The following CLNK variants were observed in gnomAD, a reference collection of about 807,000 sequenced individuals.
CLNK encodes the protein cytokine-dependent hematopoietic cell linker.
CLNK carries 74 observed loss-of-function variants against 68.6 expected under a neutral mutation model. That is an observed-to-expected ratio of 1.08 (90% CI 0.89 to 1.31). The LOEUF (loss-of-function observed/expected upper bound fraction) is 1.31. Among genes scored for constraint, CLNK ranks in the 50% most tolerant of loss-of-function variants. CLNK has a pLI of 0.00. For synonymous variants in CLNK, 198 were observed against 172.2 expected (o/e 1.15, Z -1.17); for missense variants, 553 against 515.3 (o/e 1.07, Z -0.71).
intron 2 of CLNK, among the ~76,000 whole-genome samples, chr4:10,610,182 G>A (rs1406388318): frequency 6.7e-6 from 1 of 148,778 alleles, no homozygotes; most frequent in Non-Finnish European, 1.5e-5. Flanking sequence ...TCAGCCTCCC[G>A]AGTAGCTGGG....
intron 13 of CLNK, among the ~76,000 whole-genome samples, chr4:10,527,528 A>G (rs541032180): frequency 3.3e-5 from 5 of 152,356 alleles, no homozygotes; most frequent in African/African-American, 9.6e-5. Context: ...GGCTCTGGAC[A>G]TAATTCATCA....
At chr4:10,523,954 G>A (rs1315153797) in intron 14 of CLNK, 1 of 391,768 alleles carries the variant, frequency 2.6e-6, no homozygotes. Flanking sequence ...GAGCCCGGGA[G>A]GTCAAGGCTG....
At chr4:10,627,694 T>A (rs1722728904) in intron 2 of CLNK, among the ~76,000 whole-genome samples, 1 of 152,098 alleles carries the variant, frequency 6.6e-6, no homozygotes, top group African/African-American at 2.4e-5. Context: ...TAACTACTCA[T>A]GTTTTAATCC....
At chr4:10,597,499 A>C (rs925680216) in intron 3 of CLNK, among the ~76,000 whole-genome samples, 1 of 152,188 alleles carries the variant, frequency 6.6e-6, no homozygotes, top group Non-Finnish European at 1.5e-5. Context: ...CATTTTCAGT[A>C]GTCTATGCAA....
chr4:10,690,160 A>C, the CLNK span, among the ~76,000 whole-genome samples: 1 of 152,144 alleles, frequency 6.6e-6, no homozygotes, highest in Non-Finnish European at 1.5e-5. Context: ...GTTGGCATTC[A>C]AACACATCTG....
At chr4:10,645,898 G>T (rs1353233640) in intron 2 of CLNK, among the ~76,000 whole-genome samples, 1 of 152,220 alleles carries the variant, frequency 6.6e-6, no homozygotes, top group Middle Eastern at 3.4e-3. Flanking sequence ...CAAATACCTT[G>T]ATTTTTTAAT....
chr4:10,583,572 A>G (rs1720866443), intron 4 of CLNK, among the ~76,000 whole-genome samples: 1 of 152,150 alleles, frequency 6.6e-6, no homozygotes, highest in Non-Finnish European at 1.5e-5. Context: ...GGTGTGAGTC[A>G]CCGTGCCTGG....
At chr4:10,720,120 T>TTC in the CLNK span, among the ~76,000 whole-genome samples, 4 of 151,818 alleles carry the variant, frequency 2.6e-5, no homozygotes, top group Non-Finnish European at 4.4e-5. Flanking sequence ...CTGAAACCAA[T>TTC]AATCTAAGAT....
At chr4:10,703,922 A>T in the CLNK span, among the ~76,000 whole-genome samples, 1 of 152,238 alleles carries the variant, frequency 6.6e-6, no homozygotes, top group African/African-American at 2.4e-5. Flanking sequence ...CATGTGGTGC[A>T]TGATGTATTT....
intron 2 of CLNK, among the ~76,000 whole-genome samples, chr4:10,606,715 A>G (rs896426518): frequency 1.3e-5 from 2 of 152,198 alleles, no homozygotes; most frequent in Non-Finnish European, 2.9e-5. Flanking sequence ...TGGGGTCACC[A>G]TCATATAGAA....
At chr4:10,554,097 G>A (rs1719569693) in intron 8 of CLNK, among the ~76,000 whole-genome samples, 2 of 152,178 alleles carry the variant, frequency 1.3e-5, no homozygotes, top group Admixed American at 6.5e-5. Flanking sequence ...TGTAAGACAT[G>A]CAGGTATAGA....
At chr4:10,684,946 G>A (rs1725215353), upstream of CLNK, 1 of 152,148 alleles carries the variant, frequency 6.6e-6, no homozygotes, top group Admixed American at 6.6e-5. Flanking sequence ...GCTTTCAGAG[G>A]CTGAAATCTT....
the CLNK span, among the ~76,000 whole-genome samples, chr4:10,702,610 C>T: frequency 1.2e-4 from 18 of 152,296 alleles, no homozygotes; most frequent in African/African-American, 4.3e-4. Context: ...TTGACTATTT[C>T]TCAGGAAAGA....
chr4:10,601,632 C>T (rs576530227), intron 2 of CLNK, among the ~76,000 whole-genome samples: 1 of 152,282 alleles, frequency 6.6e-6, no homozygotes, highest in South Asian at 2.1e-4. Flanking sequence ...GAATTGAGAT[C>T]TGACCTCGAA....
At chr4:10,563,031 T>C (rs935079495) in intron 7 of CLNK, among the ~76,000 whole-genome samples, 1 of 152,210 alleles carries the variant, frequency 6.6e-6, no homozygotes, top group Non-Finnish European at 1.5e-5. Context: ...GCTGTGCCCG[T>C]GTAAAAAGGA....
intron 8 of CLNK, among the ~76,000 whole-genome samples, chr4:10,551,171 CTG>C (rs1467790019): frequency 3.3e-5 from 5 of 152,146 alleles, no homozygotes; most frequent in African/African-American, 1.2e-4. Context: ...GAAAGTGAAA[CTG>C]AGGATAAGGA....
At chr4:10,602,976 A>G (rs1183597077) in intron 2 of CLNK, among the ~76,000 whole-genome samples, 2 of 152,190 alleles carry the variant, frequency 1.3e-5, no homozygotes, top group African/African-American at 4.8e-5. Flanking sequence ...CTACTCCGAG[A>G]GTTAAAGACA....
At chr4:10,691,346 A>G in the CLNK span, among the ~76,000 whole-genome samples, 3 of 152,124 alleles carry the variant, frequency 2.0e-5, no homozygotes, top group African/African-American at 7.2e-5. Flanking sequence ...TCACCCAGCA[A>G]TAGTTGAACT....
At chr4:10,668,187 C>T (rs1022775469) in intron 1 of CLNK, among the ~76,000 whole-genome samples, 3 of 152,140 alleles carry the variant, frequency 2.0e-5, no homozygotes, top group Admixed American at 6.5e-5. Context: ...TTTTCCCTGG[C>T]GTGCAATTGT....
Sources: gnomAD v4.1 joint callset for allele counts (sites outside exome capture counted in the v4.1 genomes callset) on GRCh38, gnomAD v4.1.1 for gene constraint, MANE v1.5 for transcripts, NCBI Gene and HGNC (gene_info 2026-07-23, HGNC 2026-07-21) for gene names.